RNF38: variants seen among roughly 807,000 people sequenced by gnomAD.
RNF38 encodes E3 ubiquitin-protein ligase RNF38.
Under a neutral mutation model 67.2 loss-of-function variants are expected in RNF38, and 15 were observed. The observed-to-expected ratio is 0.22, with a 90% CI of 0.15 to 0.34. RNF38 has a LOEUF of 0.34. RNF38 is among the 10% of genes least tolerant of loss of function. The pLI is 1.00. For synonymous variants in RNF38, 220 were observed against 218.8 expected (o/e 1.01, Z -0.05); for missense variants, 524 against 639.9 (o/e 0.82, Z 1.95).
At chr9:36,387,106 T>C (rs1376385559) in intron 2 of RNF38, among the ~76,000 whole-genome samples, 1 of 152,178 alleles carries the variant, frequency 6.6e-6, no homozygotes. Flanking sequence ...TGGGAGCCCC[T>C]ACCTTGTCTA....
At chr9:36,441,736 T>C (rs899743901) in intron 1 of RNF38, among the ~76,000 whole-genome samples, 1 of 127,606 alleles carries the variant, frequency 7.8e-6, no homozygotes, top group Non-Finnish European at 1.7e-5. Flanking sequence ...AAACAACAAC[T>C]TGTGCACCTC....
intron 2 of RNF38, among the ~76,000 whole-genome samples, chr9:36,411,872 CAA>C (rs902332845): frequency 3.9e-5 from 6 of 151,978 alleles, no homozygotes; most frequent in Admixed American, 2.6e-4. Flanking sequence ...CTCAGCCTTA[CAA>C]AAGAGTATTA....
At chr9:36,460,978 C>T (rs1839719698) in intron 1 of RNF38, among the ~76,000 whole-genome samples, 1 of 151,524 alleles carries the variant, frequency 6.6e-6, no homozygotes, top group South Asian at 2.1e-4. Context: ...TTTGGGAGGC[C>T]AAAGCAGGTG....
At chr9:36,400,562 G>A, upstream of RNF38, 1 of 988,048 alleles carries the variant, frequency 1.0e-6, no homozygotes, top group Non-Finnish European at 1.2e-6. Flanking sequence ...ACCTGCGAGG[G>A]GAGGCTCCGC....
At position 36,475,081 on chromosome 9, in the gene RNF38, G is replaced by C. The variant is rs1840091968; in HGVS notation, n.241+12227C>G. On this transcript the variant is annotated intron_variant and non_coding_transcript_variant, in intron 1 of 3. Coordinates refer to the RNF38 transcript ENST00000488058. ...GAATTGCTTGAACCCAGGAGGTGGAGGTTGCAGTGAGCAGAGAGAGCACCA... is the reference window on the plus strand; with the variant it reads ...GAATTGCTTGAACCCAGGAGGTGGACGTTGCAGTGAGCAGAGAGAGCACCA... 2.0e-5 allele frequency among the ~76,000 whole-genome samples: 3 copies of C among 147,850 alleles called. 1 individual carries two copies. Among genetic ancestry groups the C allele is most frequent in the African/African-American group, 7.5e-5 (3 of 39,858 alleles).
At chr9:36,484,550 A>G (rs1325655175) in intron 1 of RNF38, among the ~76,000 whole-genome samples, 2 of 152,214 alleles carry the variant, frequency 1.3e-5, no homozygotes. Context: ...TACCTGATTC[A>G]GATTTTTTTT....
At chr9:36,439,522 T>C (rs1468055770) in intron 1 of RNF38, among the ~76,000 whole-genome samples, 1 of 151,916 alleles carries the variant, frequency 6.6e-6, no homozygotes, top group Admixed American at 6.6e-5. Context: ...CAATCGAAAA[T>C]AGCCAGGCAT....
At chr9:36,386,679 G>A (rs1048277452) in intron 2 of RNF38, among the ~76,000 whole-genome samples, 12 of 152,228 alleles carry the variant, frequency 7.9e-5, no homozygotes, top group African/African-American at 2.4e-4. Context: ...TAAAGAAGCC[G>A]GCTAAAACCC....
At chr9:36,463,864 G>A (rs1251796613) in intron 1 of RNF38, among the ~76,000 whole-genome samples, 2 of 152,194 alleles carry the variant, frequency 1.3e-5, no homozygotes, top group African/African-American at 2.4e-5. Flanking sequence ...AGAAAAATAA[G>A]TGACCAAAAA....
At chr9:36,358,966 G>A (rs1001367607) in intron 4 of RNF38, among the ~76,000 whole-genome samples, 11 of 152,106 alleles carry the variant, frequency 7.2e-5, no homozygotes, top group Non-Finnish European at 1.0e-4. Flanking sequence ...AGCTGAGATC[G>A]CGCCATTGCA....
At chr9:36,416,697 G>A (rs894559876) in intron 2 of RNF38, among the ~76,000 whole-genome samples, 6 of 150,894 alleles carry the variant, frequency 4.0e-5, no homozygotes, top group African/African-American at 1.2e-4. Flanking sequence ...GGCTTCCCTG[G>A]GGACTAGAAG....
At chr9:36,341,689 T>C (rs1418553406) in intron 11 of RNF38, among the ~76,000 whole-genome samples, 6 of 151,950 alleles carry the variant, frequency 3.9e-5, no homozygotes, top group African/African-American at 7.3e-5. Context: ...CTGGGCAACA[T>C]AGTGACACCC....
chr9:36,397,912 T>C (rs895937628), intron 1 of RNF38, among the ~76,000 whole-genome samples: 10 of 152,170 alleles, frequency 6.6e-5, no homozygotes, highest in Non-Finnish European at 1.3e-4. Flanking sequence ...AAAAAATATC[T>C]AGACCACAAA....
intron 1 of RNF38, among the ~76,000 whole-genome samples, chr9:36,479,705 T>C (rs1035146422): frequency 6.6e-6 from 1 of 152,072 alleles, no homozygotes; most frequent in Non-Finnish European, 1.5e-5. Flanking sequence ...CAAAGATGTA[T>C]TGAGGTGGCA....
At chr9:36,365,662 G>GTTTTTTTTTTTTT (rs759974775) in intron 4 of RNF38, among the ~76,000 whole-genome samples, 1 of 103,600 alleles carries the variant, frequency 9.7e-6, no homozygotes, top group Non-Finnish European at 1.7e-5. Context: ...AAGACTGATA[G>GTTTTTTTTTTTTT]TTTTTTTTTT....
At chr9:36,365,482 C>T (rs180736896) in intron 4 of RNF38, among the ~76,000 whole-genome samples, 3 of 151,836 alleles carry the variant, frequency 2.0e-5, no homozygotes, top group Admixed American at 6.6e-5. Flanking sequence ...GCAGGAGAAT[C>T]GCTTGAAATG....
chr9:36,450,571 C>T (rs1839411772), intron 1 of RNF38, among the ~76,000 whole-genome samples: 1 of 152,112 alleles, frequency 6.6e-6, no homozygotes, highest in Non-Finnish European at 1.5e-5. Flanking sequence ...AAATATAGAA[C>T]TTGGTGAGTA....
chr9:36,346,887 G>A (rs1230297783), intron 9 of RNF38, among the ~76,000 whole-genome samples: 1 of 152,002 alleles, frequency 6.6e-6, no homozygotes, highest in South Asian at 2.1e-4. Context: ...GGAGGCTAAG[G>A]CAGGCAGATC....
chr9:36,425,727 T>G (rs1838752332), intron 1 of RNF38, among the ~76,000 whole-genome samples: 1 of 152,038 alleles, frequency 6.6e-6, no homozygotes. Flanking sequence ...GAAAATAATC[T>G]TGGAATAAGA....
Sources: gnomAD v4.1 joint callset for allele counts (sites outside exome capture counted in the v4.1 genomes callset) on GRCh38, gnomAD v4.1.1 for gene constraint, MANE v1.5 for transcripts, NCBI Gene and HGNC (gene_info 2026-07-23, HGNC 2026-07-21) for gene names.